The following SIK3 variants were observed in gnomAD, a reference collection of about 807,000 sequenced individuals.
SIK3 encodes the protein SIK family kinase 3.
Under a neutral mutation model 144.2 loss-of-function variants are expected in SIK3, and 28 were observed. That is an observed-to-expected ratio of 0.19 (90% CI 0.14 to 0.27). The LOEUF (loss-of-function observed/expected upper bound fraction) is 0.27. Ranked by LOEUF, SIK3 falls within the 10% of genes least tolerant of loss-of-function variation. The pLI, the probability that SIK3 is intolerant of heterozygous loss-of-function variation, is 1.00. For synonymous variants in SIK3, 686 were observed against 676.3 expected (o/e 1.01, Z -0.22); for missense variants, 1,319 against 1,776.0 (o/e 0.74, Z 4.62).
intron 4 of SIK3, among the ~76,000 whole-genome samples, chr11:116,906,544 T>C (rs1946047547): frequency 6.6e-6 from 1 of 151,834 alleles, no homozygotes; most frequent in African/African-American, 2.4e-5. Context: ...AGAAAGAGGA[T>C]GCAGCAAAAA....
chr11:117,078,053 A>T, intron 1 of SIK3, among the ~76,000 whole-genome samples: 1 of 152,252 alleles, frequency 6.6e-6, no homozygotes, highest in East Asian at 1.9e-4. Flanking sequence ...TAGAATAAAC[A>T]ATTTCAATTG....
intron 1 of SIK3, among the ~76,000 whole-genome samples, chr11:116,960,642 C>G (rs182581462): frequency 6.6e-6 from 1 of 152,292 alleles, no homozygotes; most frequent in Non-Finnish European, 1.5e-5. Flanking sequence ...TTGGAACTAT[C>G]CCTTAATATA....
chr11:117,080,914 C>T (rs1223609426), intron 1 of SIK3, among the ~76,000 whole-genome samples: 1 of 152,124 alleles, frequency 6.6e-6, no homozygotes, highest in Non-Finnish European at 1.5e-5. Flanking sequence ...TGCCATTGCA[C>T]TCCAGCATGG....
chr11:117,018,231 G>A (rs745392660), intron 1 of SIK3, among the ~76,000 whole-genome samples: 34 of 152,108 alleles, frequency 2.2e-4, no homozygotes, highest in Non-Finnish European at 3.5e-4. Context: ...GTCCCCCGAG[G>A]AACCTGCATA....
intron 3 of SIK3, among the ~76,000 whole-genome samples, chr11:116,944,803 A>C (rs1325136966): frequency 6.6e-6 from 1 of 152,204 alleles, no homozygotes; most frequent in Non-Finnish European, 1.5e-5. Context: ...TGTAGGTGAC[A>C]GCAGAGTGAG....
At chr11:117,051,893 C>T (rs1012080010) in intron 1 of SIK3, among the ~76,000 whole-genome samples, 1 of 151,774 alleles carries the variant, frequency 6.6e-6, no homozygotes, top group African/African-American at 2.4e-5. Context: ...CCTGTAATCC[C>T]AGCACTTTGG....
chr11:117,011,025 T>G (rs1417677481), intron 1 of SIK3, among the ~76,000 whole-genome samples: 1 of 152,096 alleles, frequency 6.6e-6, no homozygotes, highest in Non-Finnish European at 1.5e-5. Flanking sequence ...GAGGCTGACG[T>G]GGGAGGATCG....
rs373409441 is a variant in SIK3 at position 116,921,197 on chromosome 11, G to C, written c.616+6022C>G. Among the ~76,000 whole-genome samples, 27 of 152,244 alleles carry C rather than the reference G, an allele frequency of 1.8e-4. No individual in the cohort carries two copies. In the East Asian group the frequency reaches 5.0e-3, roughly 28 times the overall value. On this transcript the variant is annotated intron_variant, in intron 4 of 24. Coordinates refer to ENST00000445177, the MANE Select transcript of SIK3 (RefSeq NM_001366686.3). The stretch of plus-strand genomic sequence containing the variant: ...TCTTTACAAGAAATTCAGAAGTTTT[G>C]GAGAGTTAAAAGTGCCAGAAGATGA...
intron 2 of SIK3, 103 bp from the exon 3 acceptor site, chr11:116,954,210 C>T: frequency 1.2e-6 from 1 of 837,182 alleles, no homozygotes; most frequent in Non-Finnish European, 1.9e-6. Context: ...TATTAATAAC[C>T]ACTATAGATT....
chr11:117,032,677 T>C (rs1036355621), intron 1 of SIK3, among the ~76,000 whole-genome samples: 1 of 125,900 alleles, frequency 7.9e-6, no homozygotes, highest in Non-Finnish European at 1.7e-5. Flanking sequence ...ACCTTTTCTT[T>C]TTTTTTTTTT....
At chr11:116,873,681 A>C (rs1944087924) in intron 12 of SIK3, 45 bp from the exon 13 acceptor site, 2 of 1,519,418 alleles carry the variant, frequency 1.3e-6, no homozygotes, top group Non-Finnish European at 1.8e-6. Context: ...GATGAGGGGA[A>C]GGCGGGGAGA....
intron 1 of SIK3, among the ~76,000 whole-genome samples, chr11:117,006,644 A>AG (rs1951058115): frequency 1.3e-5 from 2 of 151,896 alleles, no homozygotes; most frequent in Non-Finnish European, 1.5e-5. Flanking sequence ...TGTTTAAAAA[A>AG]AAAAGAAAGA....
chr11:116,985,692 T>C (rs1950304023), intron 1 of SIK3, among the ~76,000 whole-genome samples: 1 of 152,202 alleles, frequency 6.6e-6, no homozygotes, highest in Non-Finnish European at 1.5e-5. Flanking sequence ...TGGGTTTTTC[T>C]TTTTCTAAAT....
chr11:117,076,697 TTTTTGTATTTTTA>T, intron 1 of SIK3, among the ~76,000 whole-genome samples: 1 of 151,822 alleles, frequency 6.6e-6, no homozygotes, highest in African/African-American at 2.4e-5. Flanking sequence ...ACCCGGCTAA[TTTTTGTATTTTTA>T]TTTTGTATTT....
rs189247693 is a variant in SIK3 at position 116,894,954 on chromosome 11, G to A, written c.865+1299C>T. Among the ~76,000 whole-genome samples, 3 of 152,224 alleles carry A rather than the reference G, an allele frequency of 2.0e-5. No homozygotes were observed. The East Asian group carries it at 5.8e-4, about 29-fold the overall frequency. The stretch of plus-strand genomic sequence containing the variant: ...CCAAAGTGATCTTTTTTAAACAAAA[G>A]TCACTGCAAAATTTTTCAATTTTTT... On this transcript the variant is annotated intron_variant, in intron 6 of 24. Coordinates refer to ENST00000445177, the MANE Select transcript of SIK3 (RefSeq NM_001366686.3).
intron 3 of SIK3, among the ~76,000 whole-genome samples, chr11:116,945,192 C>A (rs1167285680): frequency 6.6e-6 from 1 of 151,974 alleles, no homozygotes; most frequent in Non-Finnish European, 1.5e-5. Context: ...ATCTCCTGAC[C>A]TCGTGATCCG....
chr11:116,993,710 G>A (rs530454525), intron 1 of SIK3, among the ~76,000 whole-genome samples: 11 of 152,148 alleles, frequency 7.2e-5, no homozygotes, highest in Non-Finnish European at 1.6e-4. Flanking sequence ...GGGGAGGATG[G>A]GTTGCCTAGG....
intron 4 of SIK3, among the ~76,000 whole-genome samples, chr11:116,905,194 G>A (rs1945961675): frequency 6.6e-6 from 1 of 152,164 alleles, no homozygotes; most frequent in African/African-American, 2.4e-5. Context: ...TCACATAAAT[G>A]GAATCATACA....
chr11:117,068,693 A>T (rs1419530983), intron 1 of SIK3, among the ~76,000 whole-genome samples: 5 of 152,212 alleles, frequency 3.3e-5, no homozygotes, highest in Non-Finnish European at 5.9e-5. Context: ...GGTTGAGGCC[A>T]CAGTGAGCCA....
Sources: allele counts gnomAD v4.1 joint callset (sites outside exome capture counted in the v4.1 genomes callset), GRCh38; gene constraint gnomAD v4.1.1; transcripts MANE v1.5; gene names NCBI Gene and HGNC (gene_info 2026-07-23, HGNC 2026-07-21).